Variants in IL1RAPL2 observed in about 807,000 individuals in gnomAD.
IL1RAPL2 encodes X-linked interleukin-1 receptor accessory protein-like 2.
IL1RAPL2 carries 3 observed loss-of-function variants against 44.1 expected under a neutral mutation model. That is an observed-to-expected ratio of 0.07 (90% CI 0.03 to 0.18). The LOEUF (loss-of-function observed/expected upper bound fraction) is 0.18. Ranked by LOEUF, IL1RAPL2 falls within the 10% of genes least tolerant of loss-of-function variation. The pLI is 1.00. For missense variants in IL1RAPL2, 391 were observed against 496.4 expected, an observed-to-expected ratio of 0.79 and a Z score of 2.02; for synonymous variants, 181 against 178.8, an observed-to-expected ratio of 1.01 and a Z score of -0.10.
chrX:105,123,790 G>A (rs1270671438), intron 2 of IL1RAPL2, among the ~76,000 whole-genome samples: 1 of 110,863 alleles, frequency 9.0e-6, no homozygotes, highest in Non-Finnish European at 1.9e-5. Flanking sequence ...CCTAGAGATA[G>A]GACTACATTT....
At chrX:105,023,416 C>T (rs921760609) in intron 2 of IL1RAPL2, among the ~76,000 whole-genome samples, 1 of 111,267 alleles carries the variant, frequency 9.0e-6, no homozygotes, top group Non-Finnish European at 1.9e-5. Context: ...GCAGTTATAA[C>T]TATCTGAAGT....
chrX:105,033,589 A>G (rs1368892806), intron 2 of IL1RAPL2, among the ~76,000 whole-genome samples: 2 of 112,118 alleles, frequency 1.8e-5, no homozygotes, highest in African/African-American at 3.2e-5. Context: ...CTGCAGTGCG[A>G]TCAGCCGTTA....
chrX:104,998,254 G>C (rs2030783963), intron 2 of IL1RAPL2, among the ~76,000 whole-genome samples: 1 of 111,694 alleles, frequency 9.0e-6, no homozygotes. Context: ...AGTGAGGACA[G>C]AGAATTTCTA....
chrX:104,699,431 A>C (rs1931237338), intron 2 of IL1RAPL2, among the ~76,000 whole-genome samples: 1 of 111,245 alleles, frequency 9.0e-6, no homozygotes, highest in Non-Finnish European at 1.9e-5. Context: ...AGTTCACAAT[A>C]GGGCTCGCAC....
At chrX:105,202,537 C>T (rs1251743812) in intron 3 of IL1RAPL2, among the ~76,000 whole-genome samples, 1 of 112,140 alleles carries the variant, frequency 8.9e-6, no homozygotes, top group Non-Finnish European at 1.9e-5. Context: ...TCATTTCATG[C>T]ATTCTACTCT....
intron 1 of IL1RAPL2, chrX:104,647,446 G>T: frequency 1.6e-6 from 1 of 606,093 alleles, no homozygotes; most frequent in Non-Finnish European, 2.8e-6. Context: ...CCACCTCTTT[G>T]GCTTCCACTG....
chrX:104,634,470 TG>T (rs1000583309), intron 1 of IL1RAPL2, among the ~76,000 whole-genome samples: 3 of 111,445 alleles, frequency 2.7e-5, no homozygotes, highest in Non-Finnish European at 5.6e-5. Flanking sequence ...TATTATTGTG[TG>T]GGAATCTATG....
chrX:104,938,554 G>A (rs1466726039), intron 2 of IL1RAPL2, among the ~76,000 whole-genome samples: 3 of 111,105 alleles, frequency 2.7e-5, no homozygotes, highest in African/African-American at 9.8e-5. Flanking sequence ...CTTTGCTTCA[G>A]TGAAATGATT....
chrX:104,644,662 A>G (rs1929999775), intron 1 of IL1RAPL2, among the ~76,000 whole-genome samples: 1 of 110,891 alleles, frequency 9.0e-6, no homozygotes. Context: ...AGCTTGTTCA[A>G]GTCCCTCCTA....
chrX:105,428,434 A>C (rs931203342), intron 5 of IL1RAPL2, among the ~76,000 whole-genome samples: 9 of 111,592 alleles, frequency 8.1e-5, no homozygotes, highest in Non-Finnish European at 1.5e-4. Flanking sequence ...CATTTTTGTC[A>C]GAGTTCCCGA....
At chrX:105,459,064 C>T (rs191101979) in intron 5 of IL1RAPL2, among the ~76,000 whole-genome samples, 48 of 111,804 alleles carry the variant, frequency 4.3e-4, no homozygotes, top group African/African-American at 1.5e-3. Flanking sequence ...TTCCTTGTAT[C>T]GTTGCAAGCC....
chrX:105,542,685 TATA>T (rs1365944577), intron 6 of IL1RAPL2, among the ~76,000 whole-genome samples: 15 of 95,685 alleles, frequency 1.6e-4, no homozygotes, highest in African/African-American at 5.7e-4. Flanking sequence ...TTTTATTTTT[TATA>T]TTTTTTATTT....
At chrX:105,510,146 C>G (rs2036459093) in intron 6 of IL1RAPL2, among the ~76,000 whole-genome samples, 1 of 111,362 alleles carries the variant, frequency 9.0e-6, no homozygotes, top group African/African-American at 3.3e-5. Flanking sequence ...CCACTCTAGC[C>G]TGGGTGACAG....
In IL1RAPL2 at chrX:105,527,545, G is replaced by T. The variant is rs189434484; in HGVS notation, c.772+43158G>T. Reference sequence around the variant, plus strand: ...AAAAGTTACCCTTAGGGCAACTATGGTACAATTTGTGTGCCAAGGATATGA... The same window carrying T: ...AAAAGTTACCCTTAGGGCAACTATGTTACAATTTGTGTGCCAAGGATATGA... On this transcript the variant is annotated intron_variant, in intron 6 of 10. Coordinates refer to ENST00000372582, the MANE Select transcript of IL1RAPL2 (RefSeq NM_017416.2). 1.9e-4 allele frequency among the ~76,000 whole-genome samples: 21 copies of T among 109,553 alleles called. No individual in the cohort carries two copies. The Admixed American group carries it at 2.0e-3, about 10-fold the overall frequency.
At chrX:104,905,104 T>C (rs1470695399) in intron 2 of IL1RAPL2, among the ~76,000 whole-genome samples, 3 of 111,745 alleles carry the variant, frequency 2.7e-5, no homozygotes, top group African/African-American at 6.5e-5. Context: ...ATGTCTTCTT[T>C]TGAGAAGTGT....
At chrX:104,883,082 C>T (rs190971136) in intron 2 of IL1RAPL2, among the ~76,000 whole-genome samples, 10 of 111,566 alleles carry the variant, frequency 9.0e-5, no homozygotes, top group African/African-American at 1.3e-4. Flanking sequence ...TGAGGGTCCG[C>T]GGCTTCATTC....
intron 10 of IL1RAPL2, among the ~76,000 whole-genome samples, chrX:105,758,451 C>T (rs2038658652): frequency 9.1e-6 from 1 of 110,087 alleles, no homozygotes; most frequent in Non-Finnish European, 1.9e-5. Flanking sequence ...ACCAAGAATT[C>T]TCAGAAACCT....
intron 2 of IL1RAPL2, among the ~76,000 whole-genome samples, chrX:105,076,963 A>G (rs2147543822): frequency 9.0e-6 from 1 of 111,101 alleles, no homozygotes; most frequent in Non-Finnish European, 1.9e-5. Context: ...GGGTTCCTGA[A>G]TACAGCACAC....
chrX:105,425,354 A>C (rs767165896), intron 5 of IL1RAPL2, among the ~76,000 whole-genome samples: 1 of 111,001 alleles, frequency 9.0e-6, no homozygotes, highest in East Asian at 2.9e-4. Context: ...GGAAACAAAG[A>C]CGATGAGAGT....
Sources: allele counts gnomAD v4.1 joint callset (sites outside exome capture counted in the v4.1 genomes callset), GRCh38; gene constraint gnomAD v4.1.1; transcripts MANE v1.5; gene names NCBI Gene and HGNC (gene_info 2026-07-23, HGNC 2026-07-21).